The following ANK2 variants were observed in gnomAD, a reference collection of about 807,000 sequenced individuals.
ANK2 encodes ankyrin-2.
A neutral mutation model predicts 360.5 loss-of-function variants in ANK2; 83 were observed. The observed-to-expected ratio is 0.23, with a 90% CI of 0.19 to 0.28. The LOEUF is 0.28. Among genes scored for constraint, ANK2 ranks in the 10% least tolerant of loss-of-function variants. The probability of loss-of-function intolerance (pLI) is 1.00; values close to 1 mark genes in which losing one functional copy is unlikely to be tolerated. For synonymous variants in ANK2, 1,740 were observed against 1,759.5 expected, an observed-to-expected ratio of 0.99 and a Z score of 0.28; for missense variants, 4,201 against 4,795.7, an observed-to-expected ratio of 0.88 and a Z score of 3.66.
chr4:113,128,679 T>C (rs1486941918), intron 1 of ANK2, among the ~76,000 whole-genome samples: 2 of 152,206 alleles, frequency 1.3e-5, no homozygotes, highest in Middle Eastern at 3.4e-3. Flanking sequence ...TTAGTAGAGA[T>C]GGGGTTTCAC....
At chr4:113,174,846 T>C (rs2153225542) in intron 2 of ANK2, among the ~76,000 whole-genome samples, 1 of 152,338 alleles carries the variant, frequency 6.6e-6, no homozygotes, top group African/African-American at 2.4e-5. Context: ...TCTTGGCTTC[T>C]TTCCTTCTTG....
At chr4:112,754,988 C>T in the ANK2 span, among the ~76,000 whole-genome samples, 1 of 152,104 alleles carries the variant, frequency 6.6e-6, no homozygotes, top group Non-Finnish European at 1.5e-5. Context: ...GGGAAAATCC[C>T]AGATGAAGAC....
At chr4:112,966,449 A>G (rs954173980) in intron 2 of ANK2, among the ~76,000 whole-genome samples, 2 of 151,890 alleles carry the variant, frequency 1.3e-5, no homozygotes, top group Non-Finnish European at 2.9e-5. Context: ...TTCTTTTCAA[A>G]TGAGTAAGTG....
At chr4:113,131,772 A>C (rs1051922374) in intron 1 of ANK2, among the ~76,000 whole-genome samples, 3 of 152,326 alleles carry the variant, frequency 2.0e-5, no homozygotes, top group Non-Finnish European at 2.9e-5. Context: ...CTGCACACTA[A>C]AGCACAGTAG....
At chr4:112,849,007 T>C (rs575926799) in intron 1 of ANK2, among the ~76,000 whole-genome samples, 1 of 152,210 alleles carries the variant, frequency 6.6e-6, no homozygotes, top group Non-Finnish European at 1.5e-5. Context: ...TCCTGGAGTG[T>C]TTTGTTTTGG....
intron 2 of ANK2, among the ~76,000 whole-genome samples, chr4:113,188,740 A>G (rs1489910968): frequency 1.3e-5 from 2 of 152,214 alleles, no homozygotes; most frequent in African/African-American, 4.8e-5. Flanking sequence ...TATTTAAATT[A>G]AGTCCTTCCT....
chr4:112,925,870 C>A (rs556296258), intron 2 of ANK2, among the ~76,000 whole-genome samples: 1 of 152,214 alleles, frequency 6.6e-6, no homozygotes, highest in Admixed American at 6.5e-5. Flanking sequence ...CTTTAGTGGT[C>A]ATGAAAAGAA....
At chr4:112,869,754 C>T (rs1329139689) in intron 1 of ANK2, among the ~76,000 whole-genome samples, 2 of 152,192 alleles carry the variant, frequency 1.3e-5, no homozygotes, top group African/African-American at 4.8e-5. Flanking sequence ...GTGATCTCTG[C>T]TCACTGCAAT....
At position 113,354,006 on chromosome 4, in the gene ANK2, C is replaced by T. The variant is rs374140329; in HGVS notation, c.5388C>T (p.Asp1796=). The change falls in exon 38 of 46, where the codon GAC becomes GAT. Residue 1796 remains aspartate, a synonymous_variant. Transcript: ENST00000357077. ...CCATCAGAGTCAAAGGCAAGGAGGA[C>T]GTGCCAAAAAAGACCACCCACAGGC... is the stretch of plus-strand genomic sequence containing the variant. ...KLPIRVKGKE[D]VPKKTTHRPH... is the part of the protein sequence containing the mutation. 24 of 1,613,882 alleles carry T rather than the reference C, an allele frequency of 1.5e-5. No individual in the cohort carries two copies. Among genetic ancestry groups the T allele is most frequent in the East Asian group, 2.2e-5 (1 of 44,864 alleles).
chr4:112,982,391 A>T (rs1200394909), intron 2 of ANK2, among the ~76,000 whole-genome samples: 1 of 152,240 alleles, frequency 6.6e-6, no homozygotes, highest in Non-Finnish European at 1.5e-5. Context: ...TGTAATCTGT[A>T]TGAAGAATAT....
At chr4:113,322,202 G>A (rs912964865) in intron 26 of ANK2, among the ~76,000 whole-genome samples, 9 of 152,042 alleles carry the variant, frequency 5.9e-5, no homozygotes, top group African/African-American at 1.7e-4. Flanking sequence ...TCTATTTTAT[G>A]TTTCCAGTGA....
intron 4 of ANK2, among the ~76,000 whole-genome samples, chr4:113,228,504 A>G (rs572275233): frequency 7.9e-5 from 12 of 152,128 alleles, no homozygotes; most frequent in Non-Finnish European, 1.8e-4. Context: ...GTTGCTGCAA[A>G]TGCCATTATT....
chr4:113,256,734 G>A (rs2049607665), intron 11 of ANK2, among the ~76,000 whole-genome samples: 1 of 152,056 alleles, frequency 6.6e-6, no homozygotes, highest in South Asian at 2.1e-4. Flanking sequence ...CAAACAATCA[G>A]TATTTAAGCT....
rs529045680 is a variant in ANK2, at chr4:113,352,696, AC to A, written c.4427-347del. Among the ~76,000 whole-genome samples the A allele has an allele frequency of 1.2e-3, 183 of 149,732 alleles. 1 individual carries two copies. The highest frequency in any genetic ancestry group is 4.2e-3 in the African/African-American group (171 of 40,516). On this transcript the variant is annotated intron_variant, in intron 37 of 45. Coordinates refer to ENST00000357077, the MANE Select transcript of ANK2 (RefSeq NM_001148.6). ...TGTAACATCTGAACAATCTTGAGAT[AC>A]CTCTGTGTAATTTCACTGCGTTCTT...
intron 2 of ANK2, among the ~76,000 whole-genome samples, chr4:113,013,019 T>G (rs375337502): frequency 2.0e-5 from 3 of 152,188 alleles, no homozygotes; most frequent in East Asian, 1.9e-4. Context: ...CAGGTTGCAT[T>G]GCTATAGCAA....
At chr4:112,991,307 G>A (rs1440833172) in intron 2 of ANK2, among the ~76,000 whole-genome samples, 2 of 151,164 alleles carry the variant, frequency 1.3e-5, no homozygotes, top group African/African-American at 2.4e-5. Context: ...TAAAAACCCT[G>A]TAGCACTCAT....
At chr4:112,788,849 C>T in the ANK2 span, 37 of 852,542 alleles carry the variant, frequency 4.3e-5, no homozygotes, top group East Asian at 9.3e-4. Flanking sequence ...GAGCCACCTT[C>T]TTTCCCTTGG....
At chr4:113,291,389 A>G (rs1280217025) in intron 20 of ANK2, among the ~76,000 whole-genome samples, 3 of 152,224 alleles carry the variant, frequency 2.0e-5, no homozygotes, top group East Asian at 3.9e-4. Flanking sequence ...TCCTGGGGTC[A>G]TCCCATTGTA....
intron 2 of ANK2, among the ~76,000 whole-genome samples, chr4:112,967,403 G>A (rs1252421184): frequency 6.6e-6 from 1 of 152,250 alleles, no homozygotes; most frequent in African/African-American, 2.4e-5. Flanking sequence ...ACTTGCAGCG[G>A]CAGAGCCCAG....
Sources: allele counts gnomAD v4.1 joint callset (sites outside exome capture counted in the v4.1 genomes callset), GRCh38; gene constraint gnomAD v4.1.1; transcripts MANE v1.5; gene names NCBI Gene and HGNC (gene_info 2026-07-23, HGNC 2026-07-21).